Variants in MEF2C observed in about 807,000 individuals in gnomAD.
MEF2C encodes myocyte enhancer factor 2C, also known as myocyte-specific enhancer factor 2C.
MEF2C carries 6 observed loss-of-function variants against 50.5 expected under a neutral mutation model. That is an observed-to-expected ratio of 0.12 (90% CI 0.07 to 0.23). The LOEUF is 0.23. MEF2C is among the 10% of genes least tolerant of loss of function. The probability of loss-of-function intolerance (pLI) is 1.00; values close to 1 mark genes in which losing one functional copy is unlikely to be tolerated. For synonymous variants in MEF2C, 183 were observed against 228.0 expected, an observed-to-expected ratio of 0.80 and a Z score of 1.78; for missense variants, 276 against 605.0, an observed-to-expected ratio of 0.46 and a Z score of 5.70.
intron 1 of MEF2C, chr5:88,824,169 A>C: frequency 1.1e-6 from 1 of 952,212 alleles, no homozygotes; most frequent in South Asian, 4.9e-5. Flanking sequence ...AAATGATGCA[A>C]ACTATGCTTT....
At chr5:88,794,552 G>C (rs935327846) in intron 3 of MEF2C, among the ~76,000 whole-genome samples, 1 of 152,166 alleles carries the variant, frequency 6.6e-6, no homozygotes, top group South Asian at 2.1e-4. Flanking sequence ...CCCTTTGTCA[G>C]AGGGATAGAT....
intron 10 of MEF2C, among the ~76,000 whole-genome samples, chr5:88,727,368 A>G (rs1759312573): frequency 6.6e-6 from 1 of 152,182 alleles, no homozygotes; most frequent in South Asian, 2.1e-4. Flanking sequence ...GAACATAAGC[A>G]AACAGTGTAC....
intron 3 of MEF2C, among the ~76,000 whole-genome samples, chr5:88,763,697 G>C (rs1467025239): frequency 6.7e-6 from 1 of 150,200 alleles, no homozygotes; most frequent in Non-Finnish European, 1.5e-5. Flanking sequence ...CTGTTGCCCA[G>C]GCTGGAATGC....
At chr5:88,893,276 A>G (rs898253844) in intron 1 of MEF2C, among the ~76,000 whole-genome samples, 1 of 151,978 alleles carries the variant, frequency 6.6e-6, no homozygotes, top group Non-Finnish European at 1.5e-5. Context: ...GGCAAAATGT[A>G]CATTATTCTA....
intron 2 of MEF2C, among the ~76,000 whole-genome samples, chr5:88,809,513 A>G (rs1264441847): frequency 2.0e-5 from 3 of 152,170 alleles, no homozygotes; most frequent in Non-Finnish European, 4.4e-5. Context: ...CTGGACAAAA[A>G]AAAGTCATTT....
At chr5:88,789,535 C>T (rs578124262) in intron 3 of MEF2C, among the ~76,000 whole-genome samples, 1 of 151,860 alleles carries the variant, frequency 6.6e-6, no homozygotes, top group East Asian at 1.9e-4. Context: ...CTGTTTACAA[C>T]GTTTCTTACC....
chr5:88,879,259 A>G (rs1214662577), intron 1 of MEF2C, among the ~76,000 whole-genome samples: 1 of 151,810 alleles, frequency 6.6e-6, no homozygotes, highest in Non-Finnish European at 1.5e-5. Flanking sequence ...TGGGTGTGTA[A>G]GAAGTTAAGA....
intron 4 of MEF2C, among the ~76,000 whole-genome samples, chr5:88,756,444 TATA>T (rs1775355429): frequency 1.3e-5 from 2 of 152,224 alleles, no homozygotes; most frequent in African/African-American, 4.8e-5. Flanking sequence ...AGGAACTATC[TATA>T]ATAATTTTGA....
chr5:88,768,772 AT>A, intron 3 of MEF2C: 1 of 727,568 alleles, frequency 1.4e-6, no homozygotes, highest in Non-Finnish European at 1.7e-6. Context: ...TATTACTACC[AT>A]TTCACACTAC....
chr5:88,760,952 T>A, intron 4 of MEF2C: 1 of 1,587,158 alleles, frequency 6.3e-7, no homozygotes, highest in South Asian at 1.2e-5. Flanking sequence ...ACTGCAGCAG[T>A]TATCAGCAGA....
intron 3 of MEF2C, among the ~76,000 whole-genome samples, chr5:88,777,373 C>T (rs980384572): frequency 6.6e-6 from 1 of 152,092 alleles, no homozygotes; most frequent in Non-Finnish European, 1.5e-5. Context: ...TTTTAATCCT[C>T]ACAAGCTACT....
chr5:88,850,261 T>G (rs1484465357), intron 1 of MEF2C, among the ~76,000 whole-genome samples: 1 of 152,204 alleles, frequency 6.6e-6, no homozygotes, highest in Non-Finnish European at 1.5e-5. Flanking sequence ...AATTCTTGTT[T>G]TGTGTCATGC....
At chr5:88,740,691 A>AAC (rs1766252450) in intron 6 of MEF2C, 4 of 983,398 alleles carry the variant, frequency 4.1e-6, no homozygotes, top group Non-Finnish European at 3.6e-6. Flanking sequence ...AAAAAAAAAA[A>AAC]CCCAAATATC....
chr5:88,757,225 C>T (rs1229097582), intron 4 of MEF2C, among the ~76,000 whole-genome samples: 1 of 152,098 alleles, frequency 6.6e-6, no homozygotes, highest in East Asian at 1.9e-4. Flanking sequence ...CCACTATTTT[C>T]CCAAACTTAC....
intron 1 of MEF2C, among the ~76,000 whole-genome samples, chr5:88,857,739 T>C (rs1310612928): frequency 6.6e-6 from 1 of 152,206 alleles, no homozygotes; most frequent in East Asian, 1.9e-4. Flanking sequence ...TGTGAAGGGG[T>C]GCCTTCTGCC....
intron 2 of MEF2C, chr5:88,819,531 C>T (rs1276107462): frequency 8.5e-6 from 2 of 235,580 alleles, no homozygotes; most frequent in Non-Finnish European, 1.4e-5. Context: ...TTTGCAAATA[C>T]TGCTTCTGGA....
intron 6 of MEF2C, chr5:88,737,245 A>C (rs1214921758): frequency 1.0e-6 from 1 of 985,214 alleles, no homozygotes; most frequent in Non-Finnish European, 1.2e-6. Flanking sequence ...ATGATTGCAA[A>C]TTGATGACCA....
intron 3 of MEF2C, chr5:88,768,664 A>G (rs1781068858): frequency 1.0e-6 from 1 of 984,768 alleles, no homozygotes; most frequent in South Asian, 4.7e-5. Flanking sequence ...AACTGAAATG[A>G]ATAGATGAAC....
chr5:88,811,226 A>G (rs576767139), intron 2 of MEF2C, among the ~76,000 whole-genome samples: 1 of 152,310 alleles, frequency 6.6e-6, no homozygotes, highest in South Asian at 2.1e-4. Context: ...TCTGGAATGT[A>G]TAACTCAGAA....
Sources: allele counts gnomAD v4.1 joint callset (sites outside exome capture counted in the v4.1 genomes callset), GRCh38; gene constraint gnomAD v4.1.1; transcripts MANE v1.5; gene names NCBI Gene and HGNC (gene_info 2026-07-23, HGNC 2026-07-21).